The following C1QTNF4 variants were observed in gnomAD, a reference collection of about 807,000 sequenced individuals.
The protein encoded by C1QTNF4 is complement C1q tumor necrosis factor-related protein 4.
A neutral mutation model predicts 14.6 loss-of-function variants in C1QTNF4; 12 were observed. That is an observed-to-expected ratio of 0.82 (90% confidence interval 0.53 to 1.33). C1QTNF4 has a LOEUF of 1.33. Ranked by LOEUF, C1QTNF4 falls within the 40% of genes most tolerant of loss-of-function variation. The pLI is 0.00. For synonymous variants in C1QTNF4, 278 were observed against 246.6 expected, an observed-to-expected ratio of 1.13 and a Z score of -1.19; for missense variants, 558 against 500.3, an observed-to-expected ratio of 1.12 and a Z score of -1.10.
chr11:47,593,075 G>T (rs929977923), intron 1 of C1QTNF4, among the ~76,000 whole-genome samples: 11 of 152,156 alleles, frequency 7.2e-5, no homozygotes, highest in African/African-American at 2.7e-4. Flanking sequence ...TTAGACACAT[G>T]GTCTTGGCAA....
Position 47,589,749 on chromosome 11 carries a change from G to A in C1QTNF4, c.*72C>T. 1 of 1,380,188 alleles carries A rather than the reference G, an allele frequency of 7.2e-7. No individual in the cohort carries two copies. Among genetic ancestry groups the A allele is most frequent in the Non-Finnish European group, 9.5e-7 (1 of 1,049,958 alleles). The allele number at this position is 1,380,188 out of a possible 1,614,324, so 85.5% of individuals were successfully genotyped here. A position where few individuals can be genotyped will look rare whatever the true frequency, so the allele number is the denominator to read the frequency against. On this transcript the variant is annotated 3_prime_UTR_variant, in exon 2 of 2. Coordinates refer to ENST00000302514, the MANE Select transcript of C1QTNF4 (RefSeq NM_031909.3). ...GCCCGGAGGCCGTGGCGCTCGCGCG[G>A]GACTTTCGAGCCTCCGGCCCGGCCT...
Position 47,590,301 on chromosome 11 carries a change from G to T in C1QTNF4, c.510C>A (p.Pro170=). The T allele has an allele frequency of 8.6e-7, 1 of 1,165,008 alleles. No individual in the cohort carries two copies. Among genetic ancestry groups the T allele is most frequent in the South Asian group, 3.1e-5 (1 of 32,486 alleles). The allele number at this position is 1,165,008 out of a possible 1,614,324, so 72.2% of individuals were successfully genotyped here. Residue 170 remains proline, a synonymous_variant, in exon 2 of 2, where the codon CCC becomes CCA. Coordinates refer to ENST00000302514, the MANE Select transcript of C1QTNF4 (RefSeq NM_031909.3). Reference sequence around the variant, plus strand: ...AGGCCGAGCGCGGCTCGGGGGGCGCGGGCGGCCCGCGCGCAGGCGCGTCAG... The same window carrying T: ...AGGCCGAGCGCGGCTCGGGGGGCGCTGGCGGCCCGCGCGCAGGCGCGTCAG... ...ADADAPARGP[P]APPEPRSAFS...
rs755995109 is a variant in C1QTNF4, at chr11:47,590,116, GAGA to G, written c.692_694del (p.Phe231del). The G allele has an allele frequency of 2.9e-5, 47 of 1,611,782 alleles. No individual in the cohort carries two copies. Among genetic ancestry groups the G allele is most frequent in the Middle Eastern group, 1.7e-4 (1 of 6,058 alleles). On this transcript the variant is annotated inframe_deletion, in exon 2 of 2. Transcript: ENST00000302514. Reference sequence around the variant, plus strand: ...ACGCGGCAGCTTGCCCAGCGTGAAGGAGAAGAAGTAGGCGCCGGGCAGACGGCA... The same window carrying G: ...ACGCGGCAGCTTGCCCAGCGTGAAGGAGAAGTAGGCGCCGGGCAGACGGCA...
rs763402520 is a variant in C1QTNF4 at position 47,590,466 on chromosome 11, C to T, written c.345G>A (p.Arg115=). The part of the protein sequence containing the change: ...AFDEQRRPGA[R]RAASQSAMLQ... ...GCATGGCGCTCTGGCTGGCTGCGCG[C>T]CGCGCGCCTGGCCGCCGCTGCTCGT... The change falls in exon 2 of 2, where the codon CGG becomes CGA. Residue 115 remains arginine (R), a synonymous_variant. Transcript: ENST00000302514. 1.3e-6 allele frequency: 2 copies of T among 1,525,840 alleles called. No individual in the cohort carries two copies. Among genetic ancestry groups the T allele is most frequent in the Non-Finnish European group, 1.8e-6 (2 of 1,139,574 alleles). The allele number at this position is 1,525,840 out of a possible 1,614,324, so 94.5% of individuals were successfully genotyped here.
At chr11:47,590,873 C>G in intron 1 of C1QTNF4, 58 bp from the exon 2 acceptor site, 4 of 1,432,648 alleles carry the variant, frequency 2.8e-6, no homozygotes, top group Middle Eastern at 2.6e-4. Flanking sequence ...TTCCAAACGC[C>G]CGGCTCTCCA....
Position 47,590,782 on chromosome 11 carries a change from C to T in C1QTNF4, c.29G>A (p.Gly10Asp). 1 of 1,515,682 alleles carries T rather than the reference C, an allele frequency of 6.6e-7. No individual in the cohort carries two copies. Among genetic ancestry groups the T allele is most frequent in the Non-Finnish European group, 8.8e-7 (1 of 1,137,976 alleles). 93.9% of individuals were successfully genotyped at this position (1,515,682 alleles called of 1,614,324 possible). Reference protein sequence around the residue: MLPLLLGLLGPAACWALGPT... With the variant: MLPLLLGLLDPAACWALGPT... ...GCCCAGGGCCCAGCAGGCCGCTGGGCCCAGCAGGCCCAGCAGAAGCGGCAG... is the reference window on the plus strand; with the variant it reads ...GCCCAGGGCCCAGCAGGCCGCTGGGTCCAGCAGGCCCAGCAGAAGCGGCAG... The change falls in exon 2 of 2, where the codon GGC becomes GAC. Residue 10 changes from glycine to aspartate, a missense_variant. Gly to Asp is a moderately conservative substitution (Grantham distance 94). Coordinates refer to ENST00000302514, the MANE Select transcript of C1QTNF4 (RefSeq NM_031909.3).
rs1191557700 is a variant in C1QTNF4, at chr11:47,589,787, C to CCTGGCCCTCCCGGGCTCTTCT, written c.*13_*33dup. On this transcript the variant is annotated 3_prime_UTR_variant, in exon 2 of 2. Transcript: ENST00000302514. ...TCCGGCCCGGCCTGGCATGCACGCC[C>CCTGGCCCTCCCGGGCTCTTCT]CTGGCCCTCCCGGGCTCTTCTCTGG... 1.2e-5 allele frequency: 18 copies of CCTGGCCCTCCCGGGCTCTTCT among 1,473,436 alleles called. No homozygotes were observed. The highest frequency in any genetic ancestry group is 1.3e-5 in the Non-Finnish European group (15 of 1,112,110). 91.3% of individuals were successfully genotyped at this position (1,473,436 alleles called of 1,614,324 possible). A position where few individuals can be genotyped will look rare whatever the true frequency, so the allele number is the denominator to read the frequency against.
chr11:47,590,266 G>T lies in C1QTNF4; in HGVS notation c.545C>A (p.Ala182Glu). The part of the protein sequence containing the change: ...PPEPRSAFSA[A>E]RTRSLVGSDA... ...CGAGCCCACCAAGCTGCGCGTGCGCGCCGCCGAGAAGGCCGAGCGCGGCTC... is the reference window on the plus strand; with the variant it reads ...CGAGCCCACCAAGCTGCGCGTGCGCTCCGCCGAGAAGGCCGAGCGCGGCTC... The change falls in exon 2 of 2, where the codon GCG (alanine) becomes GAG (glutamate). Residue 182 changes from alanine (A) to glutamate (E), a missense_variant. By Grantham distance (107) the Ala-to-Glu change is moderately radical (BLOSUM62 -1). Coordinates refer to ENST00000302514, the MANE Select transcript of C1QTNF4 (RefSeq NM_031909.3). 7.3e-7 allele frequency: 1 copy of T among 1,374,258 alleles called. No individual in the cohort carries two copies. Among genetic ancestry groups the T allele is most frequent in the South Asian group, 1.6e-5 (1 of 62,360 alleles). 85.1% of individuals were successfully genotyped at this position (1,374,258 alleles called of 1,614,324 possible).
Position 47,589,672 on chromosome 11 carries a change from T to A in C1QTNF4, c.*149A>T, listed in dbSNP as rs2097274075. The A allele has an allele frequency of 1.4e-6, 1 of 730,314 alleles. No homozygotes were observed. Among genetic ancestry groups the A allele is most frequent in the Non-Finnish European group, 2.1e-6 (1 of 486,914 alleles). 45.2% of individuals were successfully genotyped at this position (730,314 alleles called of 1,614,324 possible). On this transcript the variant is annotated 3_prime_UTR_variant, in exon 2 of 2. Transcript: ENST00000302514. ...GTCAAGACAGCGCAGGGGCCTGGGC[T>A]GCCGGGCGCTGCGCGTGCCCGCTTT...
chr11:47,589,726 C>T lies in C1QTNF4; in HGVS notation c.*95G>A. 1 of 1,249,908 alleles carries T rather than the reference C, an allele frequency of 8.0e-7. No individual in the cohort carries two copies. The highest frequency in any genetic ancestry group is 1.1e-6 in the Non-Finnish European group (1 of 939,672). The allele number at this position is 1,249,908 out of a possible 1,614,324, so 77.4% of individuals were successfully genotyped here. On this transcript the variant is annotated 3_prime_UTR_variant, in exon 2 of 2. Transcript: ENST00000302514. ...CTTTATTGGCAGAGTCCAGGCGCGC[C>T]CGGAGGCCGTGGCGCTCGCGCGGGA...
At chr11:47,591,109 C>T (rs958089010) in intron 1 of C1QTNF4, among the ~76,000 whole-genome samples, 14 of 152,172 alleles carry the variant, frequency 9.2e-5, no homozygotes, top group African/African-American at 3.4e-4. Context: ...GATGGAGTCT[C>T]GCTCTGTGAA....
Position 47,590,019 on chromosome 11 carries a change from C to T in C1QTNF4, c.792G>A (p.Ser264=). 1 of 1,611,720 alleles carries T rather than the reference C, an allele frequency of 6.2e-7. No individual in the cohort carries two copies. Among genetic ancestry groups the T allele is most frequent in the Non-Finnish European group, 8.5e-7 (1 of 1,178,560 alleles). Residue 264 remains serine, a synonymous_variant, in exon 2 of 2, where the codon TCG becomes TCA. Coordinates refer to ENST00000302514, the MANE Select transcript of C1QTNF4 (RefSeq NM_031909.3). The stretch of plus-strand genomic sequence containing the variant: ...TCTGGCTCTGCATCTCGCGGCGCCG[C>T]GACGCGCCGTCGTCGTAAATCATGG... ...VQAMIYDDGA[S]RRREMQSQSV...
At position 47,590,793 on chromosome 11, in the gene C1QTNF4, C is replaced by G. The variant is rs944240025; in HGVS notation, c.18G>C (p.Leu6=). 34 of 1,509,632 alleles carry G rather than the reference C, an allele frequency of 2.3e-5. No homozygotes were observed. The highest frequency in any genetic ancestry group is 2.5e-5 in the Non-Finnish European group (28 of 1,135,382). The allele number at this position is 1,509,632 out of a possible 1,614,324, so 93.5% of individuals were successfully genotyped here. A position where few individuals can be genotyped will look rare whatever the true frequency, so the allele number is the denominator to read the frequency against. MLPLL[L]GLLGPAACWA... is the part of the protein sequence containing the mutation. ...AGCAGGCCGCTGGGCCCAGCAGGCC[C>G]AGCAGAAGCGGCAGCATGGCGCCTG... The change falls in exon 2 of 2, where the codon CTG becomes CTC. Residue 6 remains leucine, a synonymous_variant. Coordinates refer to ENST00000302514, the MANE Select transcript of C1QTNF4 (RefSeq NM_031909.3).
At position 47,590,627 on chromosome 11, in the gene C1QTNF4, C is replaced by T; in HGVS notation, c.184G>A (p.Asp62Asn). 3.1e-6 allele frequency: 5 copies of T among 1,610,804 alleles called. No individual in the cohort carries two copies. Among genetic ancestry groups the T allele is most frequent in the Non-Finnish European group, 3.4e-6 (4 of 1,179,158 alleles). Residue 62 changes from aspartate to asparagine, a missense_variant, in exon 2 of 2, where the codon GAT becomes AAT. Asp to Asn is a conservative substitution (Grantham distance 23). Transcript: ENST00000302514. ...KVYVNIGGDFDVATGQFRCRV... is the reference protein window; with the variant it reads ...KVYVNIGGDFNVATGQFRCRV... ...CAGCGAAACTGGCCGGTGGCCACAT[C>T]GAAGTCGCCCCCGATGTTCACGTAC...
chr11:47,594,899 A>G (rs1393470777), upstream of C1QTNF4, among the ~76,000 whole-genome samples: 2 of 152,080 alleles, frequency 1.3e-5, no homozygotes, highest in Non-Finnish European at 2.9e-5. Context: ...GTTAGGAAAG[A>G]GGGAGAAGGG....
In C1QTNF4 at chr11:47,590,564, C is replaced by G; in HGVS notation, c.247G>C (p.Gly83Arg). The G allele has an allele frequency of 6.2e-7, 1 of 1,602,844 alleles. No individual in the cohort carries two copies. Among genetic ancestry groups the G allele is most frequent in the Non-Finnish European group, 8.5e-7 (1 of 1,175,768 alleles). ...GACAGGCTCTTGTGCGGGGCCTTGC[C>G]AGCCGTGAAGGAGAAGAAGTAGGCG... is the stretch of plus-strand genomic sequence containing the variant. ...PGAYFFSFTA[G>R]KAPHKSLSVM... is the part of the protein sequence containing the mutation. Residue 83 changes from glycine to arginine, a missense_variant, in exon 2 of 2, where the codon GGC becomes CGC. Gly to Arg is a moderately radical substitution (Grantham distance 125). Transcript: ENST00000302514.
chr11:47,593,278 T>C (rs2097276486), intron 1 of C1QTNF4, among the ~76,000 whole-genome samples: 2 of 152,190 alleles, frequency 1.3e-5, no homozygotes, highest in Non-Finnish European at 2.9e-5. Flanking sequence ...TCAGTTTACC[T>C]TTTTGCAAAA....
chr11:47,591,904 C>CA (rs902126986), intron 1 of C1QTNF4, among the ~76,000 whole-genome samples: 7 of 152,190 alleles, frequency 4.6e-5, no homozygotes, highest in African/African-American at 1.7e-4. Flanking sequence ...GTCTGCCACT[C>CA]ACGCAGGCAC....
upstream of C1QTNF4, among the ~76,000 whole-genome samples, chr11:47,595,141 C>T (rs78909442): frequency 1.3e-5 from 2 of 152,206 alleles, no homozygotes; most frequent in East Asian, 1.9e-4. Flanking sequence ...CTGGGAACAG[C>T]GGTCTTCCCA....
Sources: gnomAD v4.1 joint callset for allele counts (sites outside exome capture counted in the v4.1 genomes callset) on GRCh38, gnomAD v4.1.1 for gene constraint, MANE v1.5 for transcripts, NCBI Gene and HGNC (gene_info 2026-07-23, HGNC 2026-07-21) for gene names.